NKAIN3: variants seen among roughly 807,000 people sequenced by gnomAD.
The protein encoded by NKAIN3 is sodium/potassium-transporting ATPase subunit beta-1-interacting protein 3.
In NKAIN3, 25 loss-of-function variants were observed where a neutral mutation model predicts 30.2. That is an observed-to-expected ratio of 0.83 (90% CI 0.60 to 1.16). NKAIN3 has a LOEUF of 1.16. Among genes scored for constraint, NKAIN3 ranks in the 50% most tolerant of loss-of-function variants. The pLI is 0.00. For missense variants in NKAIN3, 225 were observed against 254.1 expected, an observed-to-expected ratio of 0.89 and a Z score of 0.78; for synonymous variants, 91 against 89.6, an observed-to-expected ratio of 1.02 and a Z score of -0.09.
intron 1 of NKAIN3, among the ~76,000 whole-genome samples, chr8:62,547,088 G>A (rs1380878280): frequency 2.6e-5 from 4 of 152,164 alleles, no homozygotes; most frequent in African/African-American, 9.7e-5. Context: ...GCAGACAAGG[G>A]TGAAGTTGTT....
At position 62,971,922 on chromosome 8, in the gene NKAIN3, C is replaced by A. The variant is rs1823844381; in HGVS notation, c.*6515C>A. Among the ~76,000 whole-genome samples, 1 of 152,128 alleles carries A rather than the reference C, an allele frequency of 6.6e-6. No homozygotes were observed. Among genetic ancestry groups the A allele is most frequent in the Non-Finnish European group, 1.5e-5 (1 of 68,028 alleles). On this transcript the variant is annotated 3_prime_UTR_variant, in exon 7 of 7. Transcript: ENST00000623646. ...GAAAATAAATCAGTAGCACTACATCCTTCTAGGTTTCCCATAATTTTGCAG... is the reference window on the plus strand; with the variant it reads ...GAAAATAAATCAGTAGCACTACATCATTCTAGGTTTCCCATAATTTTGCAG...
intron 1 of NKAIN3, among the ~76,000 whole-genome samples, chr8:62,559,064 T>C (rs1446725148): frequency 6.6e-6 from 1 of 152,070 alleles, no homozygotes; most frequent in Non-Finnish European, 1.5e-5. Flanking sequence ...TCTTTTTAAT[T>C]TGTTGAAATT....
At chr8:62,578,663 GT>G (rs71255349) in intron 1 of NKAIN3, among the ~76,000 whole-genome samples, 79,516 of 151,468 alleles carry the variant, frequency 0.52, 21,407 homozygotes, top group Middle Eastern at 0.61. Flanking sequence ...TTTGTTTTTT[GT>G]TTTTTTTCCA....
At chr8:62,889,172 C>T (rs1025723278) in intron 4 of NKAIN3, among the ~76,000 whole-genome samples, 7 of 152,080 alleles carry the variant, frequency 4.6e-5, no homozygotes, top group South Asian at 4.2e-4. Context: ...AGTTCGAGAC[C>T]GCCCTGGCCA....
intron 4 of NKAIN3, among the ~76,000 whole-genome samples, chr8:62,905,187 C>T (rs577504907): frequency 6.6e-6 from 1 of 152,126 alleles, no homozygotes; most frequent in South Asian, 2.1e-4. Context: ...TTTGTGCATG[C>T]AGAGATGTGA....
chr8:62,997,162 A>G (rs1402147335), intron 5 of NKAIN3, among the ~76,000 whole-genome samples: 4 of 152,204 alleles, frequency 2.6e-5, no homozygotes, highest in African/African-American at 7.2e-5. Flanking sequence ...GTTTACTGAA[A>G]GAAATATTAA....
At chr8:62,825,038 G>A in intron 4 of NKAIN3, among the ~76,000 whole-genome samples, 1 of 152,168 alleles carries the variant, frequency 6.6e-6, no homozygotes, top group Non-Finnish European at 1.5e-5. Context: ...AAAGGAAATT[G>A]TGATTTTCTT....
chr8:62,494,491 T>C (rs2129642373), intron 1 of NKAIN3, among the ~76,000 whole-genome samples: 1 of 152,280 alleles, frequency 6.6e-6, no homozygotes, highest in East Asian at 1.9e-4. Context: ...TTATTTGTTG[T>C]GTCTCTGCCA....
chr8:62,543,666 T>C (rs1474108650), intron 1 of NKAIN3, among the ~76,000 whole-genome samples: 1 of 152,206 alleles, frequency 6.6e-6, no homozygotes, highest in Non-Finnish European at 1.5e-5. Context: ...ATCTGCTTTA[T>C]ATGAGTTCAT....
At chr8:62,662,603 C>T (rs1812980438) in intron 3 of NKAIN3, among the ~76,000 whole-genome samples, 1 of 152,158 alleles carries the variant, frequency 6.6e-6, no homozygotes, top group Non-Finnish European at 1.5e-5. Flanking sequence ...TTGAGGTGAG[C>T]TTTATTCTTT....
At chr8:62,687,111 T>C (rs1480196) in intron 3 of NKAIN3, among the ~76,000 whole-genome samples, 41,790 of 152,074 alleles carry the variant, frequency 0.27, 8,659 homozygotes, top group African/African-American at 0.58. Context: ...GCATTTTACA[T>C]AAATTTTCTA....
chr8:62,380,019 T>A (rs942207722), intron 1 of NKAIN3, among the ~76,000 whole-genome samples: 3 of 152,172 alleles, frequency 2.0e-5, no homozygotes, highest in African/African-American at 7.2e-5. Flanking sequence ...ATTCAATGTA[T>A]TTAAGGAAAA....
chr8:62,724,449 C>T (rs1269224966), intron 3 of NKAIN3, among the ~76,000 whole-genome samples: 2 of 152,042 alleles, frequency 1.3e-5, no homozygotes, highest in Non-Finnish European at 2.9e-5. Flanking sequence ...TGTAGTAACC[C>T]TGTTGTGCTA....
chr8:62,731,234 G>GACACACACACAC (rs67571816), intron 3 of NKAIN3, among the ~76,000 whole-genome samples: 136 of 143,750 alleles, frequency 9.5e-4, no homozygotes, highest in African/African-American at 3.4e-3. Context: ...GGGATCACAG[G>GACACACACACAC]ACACACACAC....
chr8:62,630,461 T>C (rs1353792859), intron 3 of NKAIN3, among the ~76,000 whole-genome samples: 1 of 152,136 alleles, frequency 6.6e-6, no homozygotes, highest in Non-Finnish European at 1.5e-5. Context: ...TTCATAATCA[T>C]GTAATCAGGA....
chr8:62,845,603 T>G (rs566395799), intron 4 of NKAIN3, among the ~76,000 whole-genome samples: 148 of 152,108 alleles, frequency 9.7e-4, no homozygotes, highest in African/African-American at 3.5e-3. Flanking sequence ...CTTATCACAG[T>G]TATCCCAGAA....
intron 1 of NKAIN3, among the ~76,000 whole-genome samples, chr8:62,254,374 G>C (rs1282598588): frequency 1.3e-5 from 2 of 152,080 alleles, no homozygotes; most frequent in East Asian, 1.9e-4. Context: ...AAAAGCCCTG[G>C]ATGAGATCAC....
At chr8:62,563,176 G>T (rs985037286) in intron 1 of NKAIN3, among the ~76,000 whole-genome samples, 1 of 152,194 alleles carries the variant, frequency 6.6e-6, no homozygotes, top group Non-Finnish European at 1.5e-5. Flanking sequence ...CTTATTCCTG[G>T]CTTAAGCTAT....
intron 1 of NKAIN3, among the ~76,000 whole-genome samples, chr8:62,510,248 TC>T (rs1807778302): frequency 1.3e-5 from 2 of 151,966 alleles, no homozygotes; most frequent in Admixed American, 1.3e-4. Context: ...GAAAGGAATA[TC>T]AACATCAAAA....
Sources: gnomAD v4.1 joint callset for allele counts (sites outside exome capture counted in the v4.1 genomes callset) on GRCh38, gnomAD v4.1.1 for gene constraint, MANE v1.5 for transcripts, NCBI Gene and HGNC (gene_info 2026-07-23, HGNC 2026-07-21) for gene names.